Variants in NELFCD observed in about 807,000 individuals in gnomAD.
NELFCD encodes negative elongation factor complex member C/D.
A neutral mutation model predicts 72.9 loss-of-function variants in NELFCD; 48 were observed. That is an observed-to-expected ratio of 0.66 (90% CI 0.52 to 0.84). The LOEUF (loss-of-function observed/expected upper bound fraction) is 0.84, where lower values mean the gene tolerates loss of function less well. Among genes scored for constraint, NELFCD ranks in the 40% least tolerant of loss-of-function variants. The pLI, the probability that NELFCD is intolerant of heterozygous loss-of-function variation, is 0.00. For synonymous variants in NELFCD, 297 were observed against 280.6 expected, an observed-to-expected ratio of 1.06 and a Z score of -0.59; for missense variants, 538 against 723.8, an observed-to-expected ratio of 0.74 and a Z score of 2.94.
rs2091731035 is a variant in NELFCD, at chr20:58,981,426, G to A, written c.60+57G>A. On this transcript the variant is annotated intron_variant, in intron 1 of 14. Coordinates refer to ENST00000652272, the MANE Select transcript of NELFCD (RefSeq NM_198976.4). ...GAATCGTTCGTCTCCGCCGCCGGCG[G>A]GCCGGCCCCACTCCCGGAGAGGCCG... 6.9e-6 allele frequency: 6 copies of A among 864,304 alleles called. No individual in the cohort carries two copies. The South Asian group carries it at 3.2e-4, about 46-fold the overall frequency. 53.5% of individuals were successfully genotyped at this position (864,304 alleles called of 1,614,324 possible). A position where few individuals can be genotyped will look rare whatever the true frequency, so the allele number is the denominator to read the frequency against.
chr20:58,994,579 A>AT, intron 14 of NELFCD, 63 bp from the exon 15 acceptor site: 1 of 1,337,424 alleles, frequency 7.5e-7, no homozygotes, highest in Non-Finnish European at 1.1e-6. Context: ...AAAAAAAAAA[A>AT]AGAAAGAAAA....
intron 1 of NELFCD, among the ~76,000 whole-genome samples, chr20:58,985,722 C>T (rs41276958): frequency 0.12 from 17,971 of 152,162 alleles, 1,150 homozygotes; most frequent in Middle Eastern, 0.18. Context: ...TACGAAATGT[C>T]AGGGATTATG....
chr20:58,985,771 A>G (rs2091767430), intron 1 of NELFCD, among the ~76,000 whole-genome samples: 1 of 152,244 alleles, frequency 6.6e-6, no homozygotes, highest in Non-Finnish European at 1.5e-5. Flanking sequence ...AATCCTCACA[A>G]CAGCCAAATG....
In NELFCD at chr20:58,991,299, T is replaced by C; in HGVS notation, c.955-13T>C. ...CGCCTGCCATCCCGAACTGGGCATA[T>C]GCTTCTCCTCAGATCCGCGTTCCAG... On this transcript the variant is annotated splice_polypyrimidine_tract_variant and intron_variant, in intron 8 of 14. Coordinates refer to ENST00000652272, the MANE Select transcript of NELFCD (RefSeq NM_198976.4). The C allele has an allele frequency of 6.2e-7, 1 of 1,614,192 alleles. No individual in the cohort carries two copies. Among genetic ancestry groups the C allele is most frequent in the Non-Finnish European group, 8.5e-7 (1 of 1,180,036 alleles).
chr20:58,992,154 G>C, intron 10 of NELFCD, 134 bp downstream of exon 10: 1 of 970,074 alleles, frequency 1.0e-6, no homozygotes, highest in Non-Finnish European at 1.5e-6. Flanking sequence ...TTTTTAAACA[G>C]TATGTAGGGA....
chr20:58,990,064 C>T, intron 7 of NELFCD, 76 bp downstream of exon 7: 7 of 1,558,518 alleles, frequency 4.5e-6, no homozygotes, highest in Non-Finnish European at 6.1e-6. Flanking sequence ...CCGTGTTCCA[C>T]AGCCAAAGCT....
At chr20:58,983,964 C>T (rs2091754653) in intron 1 of NELFCD, among the ~76,000 whole-genome samples, 1 of 152,092 alleles carries the variant, frequency 6.6e-6, no homozygotes, top group Admixed American at 6.6e-5. Context: ...ACCAGACGTT[C>T]ATTTCATGTT....
rs549180184 is a variant in NELFCD at position 58,986,693 on chromosome 20, A to C, written c.177-61A>C. 1 of 1,145,288 alleles carries C rather than the reference A, an allele frequency of 8.7e-7. No individual in the cohort carries two copies. The highest frequency in any genetic ancestry group is 1.2e-5 in the South Asian group (1 of 81,492). 70.9% of individuals were successfully genotyped at this position (1,145,288 alleles called of 1,614,324 possible). A position where few individuals can be genotyped will look rare whatever the true frequency, so the allele number is the denominator to read the frequency against. On this transcript the variant is annotated intron_variant, in intron 2 of 14. Transcript: ENST00000652272. This position sits in a 1 kb window ranked among gnomAD's most constrained non-coding sequence, Gnocchi z 4.4. ...AACCTGATTCTCTTCCTCCTTCCTT[A>C]CCTTCCTGTTGTCCATCATTCCATT...
At chr20:58,994,291 C>T (rs755384223) in intron 14 of NELFCD, 52 bp downstream of exon 14, 33 of 1,588,262 alleles carry the variant, frequency 2.1e-5, no homozygotes, top group South Asian at 4.6e-5. Context: ...CAGCTGGGCG[C>T]GGTGGCTCAT....
In NELFCD at chr20:58,989,009, C is replaced by T. The variant is rs779698057; in HGVS notation, c.492C>T (p.Asn164=). The T allele has an allele frequency of 2.5e-6, 4 of 1,611,680 alleles. No homozygotes were observed. Among genetic ancestry groups the T allele is most frequent in the African/African-American group, 1.3e-5 (1 of 74,882 alleles). ...AEAHPDCLML[N]FTVKLISDAG... The stretch of plus-strand genomic sequence containing the variant: ...CCCATCCAGACTGTTTGATGCTGAA[C>T]TTCACCGTTAAGGTAGGAAGAGTTC... Residue 164 remains asparagine, a synonymous_variant, in exon 5 of 15, where the codon AAC becomes AAT. Coordinates refer to ENST00000652272, the MANE Select transcript of NELFCD (RefSeq NM_198976.4).
intron 1 of NELFCD, among the ~76,000 whole-genome samples, chr20:58,984,114 A>C (rs2091755787): frequency 6.6e-6 from 1 of 152,146 alleles, no homozygotes; most frequent in African/African-American, 2.4e-5. Context: ...AGGTAGGAAG[A>C]TGTGTAAGGA....
intron 1 of NELFCD, among the ~76,000 whole-genome samples, chr20:58,983,403 T>C (rs1480536945): frequency 6.6e-6 from 1 of 151,200 alleles, no homozygotes; most frequent in Admixed American, 6.6e-5. Flanking sequence ...CCCAAAATGC[T>C]AGGATTACAG....
rs770534476 is a variant in NELFCD at position 58,987,766 on chromosome 20, C to G, written c.345C>G (p.Ile115Met). The change falls in exon 4 of 15, where the codon ATC (isoleucine) becomes ATG (methionine). Residue 115 changes from isoleucine (I) to methionine (M), a missense_variant. By Grantham distance (10) the Ile-to-Met change is conservative (BLOSUM62 1). Around this residue, in one of 3 missense-constraint regions of NELFCD, gnomAD observed 355 missense variants for 534.5 expected, o/e 0.66. Coordinates refer to ENST00000652272, the MANE Select transcript of NELFCD (RefSeq NM_198976.4). The part of the protein sequence containing the change: ...TVENHLKSLL[I>M]KHFDPRKADS... The stretch of plus-strand genomic sequence containing the variant: ...AAAATCACTTGAAGAGTTTGCTGAT[C>G]AAACATTTTGACCCCCGCAAAGCAG... 1 of 1,614,046 alleles carries G rather than the reference C, an allele frequency of 6.2e-7. No homozygotes were observed. Among genetic ancestry groups the G allele is most frequent in the South Asian group, 1.1e-5 (1 of 91,076 alleles).
In NELFCD at chr20:58,993,545, G is replaced by C; in HGVS notation, c.1440+1G>C. 2 of 1,614,240 alleles carry C rather than the reference G, an allele frequency of 1.2e-6. No homozygotes were observed. Among genetic ancestry groups the C allele is most frequent in the Non-Finnish European group, 1.7e-6 (2 of 1,180,032 alleles). On this transcript the variant is annotated splice_donor_variant, in intron 12 of 14. Transcript: ENST00000652272. LOFTEE classifies it high-confidence loss of function. The surrounding 1 kb of genome is among the most constrained non-coding windows in gnomAD (Gnocchi z 5.0). ...CTCCCAGCTGGACGTGATGGAGCAG[G>C]TGAGCAGTGCCCGTGGGGCTTGCCA...
Position 58,990,768 on chromosome 20 carries a change from A to G in NELFCD, c.789-142A>G, listed in dbSNP as rs1242115381. ...TGGAATCACTTTTCCAGTGTTGTAAATGTTATTTTTGTGGGTCAGTCAGTA... is the reference window on the plus strand; with the variant it reads ...TGGAATCACTTTTCCAGTGTTGTAAGTGTTATTTTTGTGGGTCAGTCAGTA... On this transcript the variant is annotated intron_variant, in intron 7 of 14. Transcript: ENST00000652272. The G allele has an allele frequency of 4.3e-6, 3 of 693,122 alleles. No individual in the cohort carries two copies. In the Admixed American group the frequency reaches 8.2e-5, roughly 19 times the overall value. The allele number at this position is 693,122 out of a possible 1,614,324, so 42.9% of individuals were successfully genotyped here.
At chr20:58,992,685 C>G (rs897571712) in intron 10 of NELFCD, among the ~76,000 whole-genome samples, 3 of 151,998 alleles carry the variant, frequency 2.0e-5, no homozygotes, top group African/African-American at 7.3e-5. Context: ...AGTTTGAGCC[C>G]AGGAGTTTGA....
At position 58,993,932 on chromosome 20, in the gene NELFCD, G is replaced by A; in HGVS notation, c.1581+168G>A. Reference sequence around the variant, plus strand: ...AAAGCACCTTCTGCCTGCAGCAGCTGTATGACACACTTTACCTCCATTACC... The same window carrying A: ...AAAGCACCTTCTGCCTGCAGCAGCTATATGACACACTTTACCTCCATTACC... On this transcript the variant is annotated intron_variant, in intron 13 of 14. Coordinates refer to ENST00000652272, the MANE Select transcript of NELFCD (RefSeq NM_198976.4). This position sits in a 1 kb window ranked among gnomAD's most constrained non-coding sequence, Gnocchi z 5.0. The A allele has an allele frequency of 2.8e-6, 3 of 1,065,370 alleles. No homozygotes were observed. Among genetic ancestry groups the A allele is most frequent in the Non-Finnish European group, 2.8e-6 (2 of 722,510 alleles). 66.0% of individuals were successfully genotyped at this position (1,065,370 alleles called of 1,614,324 possible). A position where few individuals can be genotyped will look rare whatever the true frequency, so the allele number is the denominator to read the frequency against.
chr20:58,987,315 C>G (rs900870453), intron 3 of NELFCD: 1 of 257,410 alleles, frequency 3.9e-6, no homozygotes. Flanking sequence ...GCGTGCTGTC[C>G]GGAAGCTTGT....
At chr20:58,989,305 G>A (rs1190779185) in intron 5 of NELFCD, 183 bp from the exon 6 acceptor site, 4 of 709,892 alleles carry the variant, frequency 5.6e-6, no homozygotes, top group Non-Finnish European at 7.2e-6. Flanking sequence ...ATGAAGAAAC[G>A]ATGGAGAGGT....
Sources: allele counts gnomAD v4.1 joint callset (sites outside exome capture counted in the v4.1 genomes callset), GRCh38; gene constraint gnomAD v4.1.1; regional missense constraint gnomAD v4.1.1; non-coding constraint Gnocchi (gnomAD v3.1); transcripts MANE v1.5; gene names NCBI Gene and HGNC (gene_info 2026-07-23, HGNC 2026-07-21).